The following DIXDC1 variants were observed in gnomAD, a reference collection of about 807,000 sequenced individuals.
DIXDC1 encodes DIX domain containing 1.
In DIXDC1, 64 loss-of-function variants were observed where a neutral mutation model predicts 103.1. That is an observed-to-expected ratio of 0.62 (90% CI 0.51 to 0.76). The LOEUF is 0.76. Among genes scored for constraint, DIXDC1 ranks in the 30% least tolerant of loss-of-function variants. The pLI is 0.00. For synonymous variants in DIXDC1, 266 were observed against 298.5 expected (o/e 0.89, Z 1.12); for missense variants, 759 against 834.2 (o/e 0.91, Z 1.11).
intron 2 of DIXDC1, among the ~76,000 whole-genome samples, chr11:111,931,106 G>A (rs142334862): frequency 0.012 from 1,805 of 151,684 alleles, 38 homozygotes; most frequent in African/African-American, 0.042. Context: ...TACCTGCCTC[G>A]GCCTCCCAAA....
intron 1 of DIXDC1, among the ~76,000 whole-genome samples, chr11:111,944,116 A>G (rs587619937): frequency 6.6e-6 from 1 of 152,294 alleles, no homozygotes; most frequent in South Asian, 2.1e-4. Context: ...CCTTGCTCTT[A>G]GTTTCTCAGC....
chr11:111,976,149 T>C lies in DIXDC1; in HGVS notation c.656+1166T>C, dbSNP rs1342822950. 1.3e-5 allele frequency among the ~76,000 whole-genome samples: 2 copies of C among 152,248 alleles called. No individual in the cohort carries two copies. Among genetic ancestry groups the C allele is most frequent in the Non-Finnish European group, 2.9e-5 (2 of 68,046 alleles). Reference sequence around the variant, plus strand: ...TCTAAATCATTTCTTCCTTGCTTGCTGCTTAGGTTATCACCTGGAGCGGAA... The same window carrying C: ...TCTAAATCATTTCTTCCTTGCTTGCCGCTTAGGTTATCACCTGGAGCGGAA... On this transcript the variant is annotated intron_variant, in intron 5 of 19. Transcript: ENST00000440460. This position sits in a 1 kb window ranked among gnomAD's most constrained non-coding sequence, Gnocchi z 4.3.
chr11:112,017,938 G>C lies in DIXDC1; in HGVS notation c.1971+53G>C. The C allele has an allele frequency of 2.8e-6, 4 of 1,421,876 alleles. No individual in the cohort carries two copies. Among genetic ancestry groups the C allele is most frequent in the Non-Finnish European group, 3.9e-6 (4 of 1,030,828 alleles). The allele number at this position is 1,421,876 out of a possible 1,614,324, so 88.1% of individuals were successfully genotyped here. ...GTATTATTGGTCCTTTCTGAACCCT[G>C]AAGCCTCCTGTTCAAGCACTAGTGT... is the stretch of plus-strand genomic sequence containing the variant. On this transcript the variant is annotated intron_variant, in intron 19 of 19. Coordinates refer to ENST00000440460, the MANE Select transcript of DIXDC1 (RefSeq NM_001037954.4). The surrounding 1 kb of genome is among the most constrained non-coding windows in gnomAD (Gnocchi z 4.0).
chr11:112,011,662 A>G (rs1861424358), intron 17 of DIXDC1, among the ~76,000 whole-genome samples: 1 of 152,226 alleles, frequency 6.6e-6, no homozygotes, highest in Non-Finnish European at 1.5e-5. Context: ...AGGGACATGG[A>G]TGAAACTGGA....
intron 2 of DIXDC1, among the ~76,000 whole-genome samples, chr11:111,931,542 C>A (rs1226717001): frequency 6.6e-6 from 1 of 151,758 alleles, no homozygotes; most frequent in Non-Finnish European, 1.5e-5. Context: ...GCTCGAGAGG[C>A]TGAGGCAGGA....
chr11:111,993,677 A>T lies in DIXDC1; in HGVS notation c.1374A>T (p.Leu458=). 6.2e-7 allele frequency: 1 copy of T among 1,614,098 alleles called. No individual in the cohort carries two copies. The highest frequency in any genetic ancestry group is 8.5e-7 in the Non-Finnish European group (1 of 1,179,906). The change falls in exon 14 of 20, where the codon CTA becomes CTT. Residue 458 remains leucine, a synonymous_variant. Transcript: ENST00000440460. ...TAGTGTCTATTTTGCAGGTGGATCT[A>T]GAGCGAGAGCTAGAACACAAAGATG... is the stretch of plus-strand genomic sequence containing the variant. ...LSDVSYHQVD[L]ERELEHKDVL...
intron 7 of DIXDC1, among the ~76,000 whole-genome samples, chr11:111,983,382 C>T (rs782368679): frequency 2.9e-4 from 44 of 152,172 alleles, no homozygotes; most frequent in Non-Finnish European, 4.3e-4. Context: ...AAGCAATTTG[C>T]ATAACGTATG....
chr11:111,982,513 C>A, intron 7 of DIXDC1, 26 bp downstream of exon 7: 1 of 1,603,318 alleles, frequency 6.2e-7, no homozygotes, highest in South Asian at 1.1e-5. Context: ...GTAGTTTGCC[C>A]TTGTTATACC....
chr11:111,984,772 C>A (rs1267163975), intron 7 of DIXDC1, among the ~76,000 whole-genome samples: 1 of 152,068 alleles, frequency 6.6e-6, no homozygotes, highest in Admixed American at 6.6e-5. Flanking sequence ...AGTAAAAATG[C>A]AGAATCAGTA....
intron 1 of DIXDC1, among the ~76,000 whole-genome samples, chr11:111,950,005 G>T (rs1555169755): frequency 7.9e-5 from 12 of 152,088 alleles, no homozygotes. Flanking sequence ...TTGGCACAAT[G>T]CCTGGCAGAT....
chr11:111,932,112 C>CCT (rs1966042180), intron 2 of DIXDC1, among the ~76,000 whole-genome samples: 1 of 149,560 alleles, frequency 6.7e-6, no homozygotes, highest in Admixed American at 6.7e-5. Flanking sequence ...CTCACTGCAA[C>CCT]CTCTGCCTCC....
chr11:111,930,832 C>A (rs1965986137), intron 2 of DIXDC1, among the ~76,000 whole-genome samples: 1 of 119,136 alleles, frequency 8.4e-6, no homozygotes, highest in South Asian at 2.6e-4. Context: ...ACCCTCCTTT[C>A]TTTCTTTCTT....
At chr11:112,006,893 C>T (rs1555176665) in intron 17 of DIXDC1, among the ~76,000 whole-genome samples, 1 of 152,162 alleles carries the variant, frequency 6.6e-6, no homozygotes, top group African/African-American at 2.4e-5. Flanking sequence ...AACGAGAGTA[C>T]CTCTTCTCCT....
intron 1 of DIXDC1, among the ~76,000 whole-genome samples, chr11:111,956,372 T>C (rs1859366202): frequency 6.6e-6 from 1 of 152,204 alleles, no homozygotes; most frequent in South Asian, 2.1e-4. Context: ...TTTTGTTTCT[T>C]TAATCACAAT....
chr11:111,941,872 A>ACC (rs1555168898), intron 1 of DIXDC1, among the ~76,000 whole-genome samples: 10 of 150,934 alleles, frequency 6.6e-5, no homozygotes, highest in East Asian at 5.8e-4. Flanking sequence ...ACACACACAC[A>ACC]CCCACGAAGA....
chr11:111,950,410 G>GCATATATATATATATATATA (rs1966740939), intron 1 of DIXDC1, among the ~76,000 whole-genome samples: 1 of 25,034 alleles, frequency 4.0e-5, no homozygotes, highest in Admixed American at 8.2e-4. Flanking sequence ...TACAAAGTAG[G>GCATATATATATATATATATA]TATATATATA....
rs1861770031 is a variant in DIXDC1, at chr11:112,021,845, G to A, written c.*2809G>A. On this transcript the variant is annotated 3_prime_UTR_variant, in exon 20 of 20. Coordinates refer to ENST00000440460, the MANE Select transcript of DIXDC1 (RefSeq NM_001037954.4). ...TTTATTATAAAAGTAGCTGGGGATG[G>A]TGGCACACACCTGTAGTCCCAGCTA... 6.6e-6 allele frequency: 1 copy of A among 151,918 alleles called. No individual in the cohort carries two copies. 9.4% of individuals were successfully genotyped at this position (151,918 alleles called of 1,614,324 possible). A position where few individuals can be genotyped will look rare whatever the true frequency, so the allele number is the denominator to read the frequency against.
intron 17 of DIXDC1, among the ~76,000 whole-genome samples, chr11:112,006,280 T>C (rs587683632): frequency 3.3e-5 from 5 of 152,136 alleles, no homozygotes; most frequent in Admixed American, 6.5e-5. Context: ...CAAAGCTGCC[T>C]GGAAGCTCAA....
At chr11:111,947,041 T>G (rs1245251631) in intron 1 of DIXDC1, 1 of 143,398 alleles carries the variant, frequency 7.0e-6, no homozygotes, top group African/African-American at 2.5e-5. Context: ...CAAAATGCAG[T>G]TTTTTTTTTC....
Sources: allele counts gnomAD v4.1 joint callset (sites outside exome capture counted in the v4.1 genomes callset), GRCh38; gene constraint gnomAD v4.1.1; non-coding constraint Gnocchi (gnomAD v3.1); transcripts MANE v1.5; gene names NCBI Gene and HGNC (gene_info 2026-07-23, HGNC 2026-07-21).